The following ROBO1 variants were observed in gnomAD, a reference collection of about 807,000 sequenced individuals.
The protein encoded by ROBO1 is roundabout homolog 1.
A neutral mutation model predicts 195.9 loss-of-function variants in ROBO1; 149 were observed. The observed-to-expected ratio is 0.76, with a 90% CI of 0.67 to 0.87. ROBO1 has a LOEUF of 0.87. ROBO1 is among the 40% of genes least tolerant of loss of function. ROBO1 has a pLI of 0.00. For synonymous variants in ROBO1, 816 were observed against 733.2 expected (o/e 1.11, Z -1.82); for missense variants, 1,933 against 2,068.3 (o/e 0.93, Z 1.27).
intron 5 of ROBO1, among the ~76,000 whole-genome samples, chr3:78,736,330 T>C (rs1445270355): frequency 6.6e-6 from 1 of 152,100 alleles, no homozygotes; most frequent in African/African-American, 2.4e-5. Flanking sequence ...TGGACTTTCA[T>C]ATGTTTTATG....
At chr3:78,626,978 A>G (rs989012782) in intron 26 of ROBO1, among the ~76,000 whole-genome samples, 1 of 152,216 alleles carries the variant, frequency 6.6e-6, no homozygotes, top group Non-Finnish European at 1.5e-5. Context: ...ACTTATTGAT[A>G]CAAAAGGAAC....
At chr3:79,042,140 A>G (rs2078498496) in intron 3 of ROBO1, among the ~76,000 whole-genome samples, 1 of 152,216 alleles carries the variant, frequency 6.6e-6, no homozygotes, top group Admixed American at 6.5e-5. Context: ...CATCAGATAT[A>G]CACATACATA....
intron 3 of ROBO1, among the ~76,000 whole-genome samples, chr3:79,079,493 T>C (rs956578577): frequency 6.6e-6 from 1 of 151,796 alleles, no homozygotes; most frequent in Non-Finnish European, 1.5e-5. Context: ...GCCGAGAGAC[T>C]GCTGTAATGT....
At chr3:79,150,423 T>C (rs2080744054) in intron 2 of ROBO1, among the ~76,000 whole-genome samples, 1 of 151,844 alleles carries the variant, frequency 6.6e-6, no homozygotes, top group Non-Finnish European at 1.5e-5. Flanking sequence ...GCAAGCTTAT[T>C]ATGTTGGGTT....
chr3:79,084,136 T>C (rs562863346), intron 3 of ROBO1, among the ~76,000 whole-genome samples: 4 of 152,230 alleles, frequency 2.6e-5, no homozygotes, highest in Non-Finnish European at 5.9e-5. Context: ...ATTCTGACTT[T>C]ATCAATTTAG....
At chr3:79,250,789 C>T (rs992317598) in intron 2 of ROBO1, among the ~76,000 whole-genome samples, 28 of 152,264 alleles carry the variant, frequency 1.8e-4, no homozygotes, top group Admixed American at 1.4e-3. Flanking sequence ...GGCGCGTTGG[C>T]TCACACCTGT....
chr3:79,662,760 C>A (rs1003940108), intron 1 of ROBO1, among the ~76,000 whole-genome samples: 2 of 151,970 alleles, frequency 1.3e-5, no homozygotes, highest in Admixed American at 6.6e-5. Flanking sequence ...GGAACAATGG[C>A]AGCGAATATG....
chr3:78,911,718 T>G (rs2107539017), intron 4 of ROBO1, among the ~76,000 whole-genome samples: 1 of 152,192 alleles, frequency 6.6e-6, no homozygotes, highest in East Asian at 1.9e-4. Context: ...TGTCAAATTT[T>G]TTCCAGTTTT....
intron 2 of ROBO1, among the ~76,000 whole-genome samples, chr3:79,326,808 A>T (rs2034232821): frequency 6.6e-6 from 1 of 152,178 alleles, no homozygotes; most frequent in Non-Finnish European, 1.5e-5. Flanking sequence ...TAATTTTGTG[A>T]TGTTAGGAAA....
chr3:79,418,458 A>G (rs978144060), intron 2 of ROBO1, among the ~76,000 whole-genome samples: 1 of 152,130 alleles, frequency 6.6e-6, no homozygotes, highest in Non-Finnish European at 1.5e-5. Flanking sequence ...TGCCATGATC[A>G]ATGAAAAAAT....
intron 3 of ROBO1, among the ~76,000 whole-genome samples, chr3:78,976,858 AC>A (rs2076895080): frequency 6.6e-6 from 1 of 152,176 alleles, no homozygotes. Flanking sequence ...TTTCTCCAAA[AC>A]GTCTTTAAAG....
chr3:78,646,905 G>T (rs1161817075), intron 20 of ROBO1, among the ~76,000 whole-genome samples: 1 of 152,040 alleles, frequency 6.6e-6, no homozygotes, highest in African/African-American at 2.4e-5. Flanking sequence ...AGGCTAAGTG[G>T]TTAAGAAGAT....
intron 8 of ROBO1, among the ~76,000 whole-genome samples, chr3:78,703,116 A>G (rs1289711271): frequency 6.6e-6 from 1 of 152,198 alleles, no homozygotes; most frequent in Non-Finnish European, 1.5e-5. Context: ...CCACACATTC[A>G]TCAGTCGTTA....
At chr3:79,447,852 G>T (rs918148312) in intron 2 of ROBO1, among the ~76,000 whole-genome samples, 1 of 151,764 alleles carries the variant, frequency 6.6e-6, no homozygotes, top group African/African-American at 2.4e-5. Flanking sequence ...AATTGTAAAA[G>T]AATTTACGTG....
chr3:79,320,384 A>G (rs923320857), intron 2 of ROBO1, among the ~76,000 whole-genome samples: 6 of 152,186 alleles, frequency 3.9e-5, no homozygotes, highest in African/African-American at 1.4e-4. Flanking sequence ...GCTGGAGTGC[A>G]GTGGCACAAT....
At chr3:79,610,393 T>A (rs111398836) in intron 1 of ROBO1, among the ~76,000 whole-genome samples, 59 of 152,044 alleles carry the variant, frequency 3.9e-4, no homozygotes, top group African/African-American at 1.1e-3. Flanking sequence ...CCTCTCTCTC[T>A]CAAATTATCT....
chr3:79,429,654 G>C (rs541457156), intron 2 of ROBO1, among the ~76,000 whole-genome samples: 1 of 152,224 alleles, frequency 6.6e-6, no homozygotes, highest in Admixed American at 6.6e-5. Flanking sequence ...AAATTCTTAA[G>C]CTATTCAGGT....
Position 78,729,958 on chromosome 3 carries a change from T to C in ROBO1, c.658-12075A>G, listed in dbSNP as rs568140724. On this transcript the variant is annotated intron_variant, in intron 5 of 30. Coordinates refer to ENST00000464233, the MANE Select transcript of ROBO1 (RefSeq NM_002941.4). The stretch of plus-strand genomic sequence containing the variant: ...AAAGTCTTATGGGCAATTTTCACTT[T>C]CCCACAAAACCAGGTTTGCTTTTTA... Among the ~76,000 whole-genome samples the C allele has an allele frequency of 5.9e-5, 9 of 152,308 alleles. No individual in the cohort carries two copies. The South Asian group carries it at 1.7e-3, about 28-fold the overall frequency.
chr3:79,141,185 C>A lies in ROBO1; in HGVS notation c.89-15646G>T, dbSNP rs145199213. Among the ~76,000 whole-genome samples the A allele has an allele frequency of 4.3e-3, 657 of 152,164 alleles. 5 individuals carry two copies. The highest frequency in any genetic ancestry group is 0.015 in the African/African-American group (630 of 41,506). ...TGGTGGGGGACATCTGAAGCATCTGCAGTTTGGGCCCAGATCATGTGACGA... is the reference window on the plus strand; with the variant it reads ...TGGTGGGGGACATCTGAAGCATCTGAAGTTTGGGCCCAGATCATGTGACGA... On this transcript the variant is annotated intron_variant, in intron 2 of 30. Coordinates refer to ENST00000464233, the MANE Select transcript of ROBO1 (RefSeq NM_002941.4).
Sources: allele counts gnomAD v4.1 joint callset (sites outside exome capture counted in the v4.1 genomes callset), GRCh38; gene constraint gnomAD v4.1.1; transcripts MANE v1.5; gene names NCBI Gene and HGNC (gene_info 2026-07-23, HGNC 2026-07-21).